ZC2HC1A: variants seen among roughly 807,000 people sequenced by gnomAD.
ZC2HC1A encodes zinc finger C2HC domain-containing protein 1A.
In ZC2HC1A, 28 loss-of-function variants were observed where a neutral mutation model predicts 40.7. The ratio of observed to expected loss-of-function variants is 0.69; its 90% CI spans 0.51 to 0.94. The LOEUF is 0.94. Ranked by LOEUF, ZC2HC1A falls within the 40% of genes least tolerant of loss-of-function variation. ZC2HC1A has a pLI of 0.00. For missense variants in ZC2HC1A, 389 were observed against 386.3 expected (o/e 1.01, Z -0.06); for synonymous variants, 129 against 129.2 (o/e 1.00, Z 0.01).
intron 7 of ZC2HC1A, among the ~76,000 whole-genome samples, chr8:78,708,570 A>AT (rs1317240162): frequency 1.3e-5 from 2 of 152,280 alleles, no homozygotes; most frequent in Admixed American, 6.5e-5. Flanking sequence ...TGTAAAAAAA[A>AT]GCAATCAAAT....
In ZC2HC1A at chr8:78,717,498, A is replaced by G. The variant is rs201476525; in HGVS notation, c.*5A>G. ...ATTCGAAGAATGATTCTATGAATAG[A>G]ATCTCAAAAAAAAAAAAAAGCCAAG... On this transcript the variant is annotated 3_prime_UTR_variant, in exon 9 of 9. Coordinates refer to ENST00000263849, the MANE Select transcript of ZC2HC1A (RefSeq NM_016010.3). The G allele has an allele frequency of 3.1e-4, 455 of 1,465,762 alleles. 1 individual carries two copies. The East Asian group carries it at 0.011, about 35-fold the overall frequency. 90.8% of individuals were successfully genotyped at this position (1,465,762 alleles called of 1,614,324 possible). A position where few individuals can be genotyped will look rare whatever the true frequency, so the allele number is the denominator to read the frequency against.
intron 3 of ZC2HC1A, among the ~76,000 whole-genome samples, chr8:78,682,410 A>G (rs908883790): frequency 6.6e-6 from 1 of 152,174 alleles, no homozygotes; most frequent in African/African-American, 2.4e-5. Context: ...GAGGCCTCAC[A>G]TCATGGTGGA....
intron 7 of ZC2HC1A, among the ~76,000 whole-genome samples, chr8:78,706,168 C>T (rs1222882596): frequency 1.3e-5 from 2 of 152,088 alleles, no homozygotes; most frequent in African/African-American, 2.4e-5. Flanking sequence ...GAGTTCCATC[C>T]CAGGTAGGCT....
At chr8:78,682,128 G>A (rs183031117) in intron 3 of ZC2HC1A, among the ~76,000 whole-genome samples, 1 of 151,982 alleles carries the variant, frequency 6.6e-6, no homozygotes, top group East Asian at 1.9e-4. Context: ...GAATAGTTGG[G>A]TATCTCAATA....
At chr8:78,670,391 C>T (rs923876700) in intron 1 of ZC2HC1A, among the ~76,000 whole-genome samples, 3 of 152,152 alleles carry the variant, frequency 2.0e-5, no homozygotes, top group Non-Finnish European at 4.4e-5. Context: ...AAAATGTGCT[C>T]ATCAGGACAT....
At chr8:78,697,682 C>CT (rs370060109) in intron 6 of ZC2HC1A, among the ~76,000 whole-genome samples, 176 bp downstream of exon 6, 4,746 of 139,658 alleles carry the variant, frequency 0.034, 99 homozygotes, top group African/African-American at 0.063. Flanking sequence ...TACTTTTAAC[C>CT]TTTTTTTTTT....
intron 5 of ZC2HC1A, among the ~76,000 whole-genome samples, chr8:78,696,627 A>G (rs1810424292): frequency 6.6e-6 from 1 of 152,214 alleles, no homozygotes; most frequent in Non-Finnish European, 1.5e-5. Context: ...GTAGAGAAAT[A>G]TAAAAATCCA....
intron 1 of ZC2HC1A, among the ~76,000 whole-genome samples, chr8:78,669,200 A>C (rs575321793): frequency 1.3e-5 from 2 of 152,294 alleles, no homozygotes; most frequent in South Asian, 4.1e-4. Flanking sequence ...CAGATATTTT[A>C]ATAGACAGTA....
intron 2 of ZC2HC1A, among the ~76,000 whole-genome samples, chr8:78,677,543 T>A (rs1199899139): frequency 2.0e-5 from 3 of 152,180 alleles, no homozygotes; most frequent in African/African-American, 7.2e-5. Flanking sequence ...ATGTTAACTT[T>A]AGTAATCCAA....
In ZC2HC1A at chr8:78,718,332, A is replaced by G. The variant is rs901571436; in HGVS notation, c.*839A>G. ...GTATTTGAAAATGTAATTATTTAAT[A>G]TAGAAGGCACAGAATTCCCTGCAAA... is the stretch of plus-strand genomic sequence containing the variant. On this transcript the variant is annotated 3_prime_UTR_variant, in exon 9 of 9. Transcript: ENST00000263849. The G allele has an allele frequency of 4.6e-5, 7 of 152,086 alleles. No individual in the cohort carries two copies. The East Asian group carries it at 1.4e-3, about 29-fold the overall frequency. The allele number at this position is 152,086 out of a possible 1,614,324, so 9.4% of individuals were successfully genotyped here.
intron 2 of ZC2HC1A, among the ~76,000 whole-genome samples, chr8:78,676,661 A>T (rs1809588515): frequency 6.6e-6 from 1 of 152,074 alleles, no homozygotes; most frequent in African/African-American, 2.4e-5. Context: ...AAGCAAAGTG[A>T]GGAATTAATG....
chr8:78,707,128 A>C (rs1470881927), intron 7 of ZC2HC1A, among the ~76,000 whole-genome samples: 1 of 152,232 alleles, frequency 6.6e-6, no homozygotes, highest in Non-Finnish European at 1.5e-5. Context: ...AATTTTACAA[A>C]GTCATTTTAC....
In ZC2HC1A at chr8:78,681,463, A is replaced by G. The variant is rs573709023; in HGVS notation, c.210+2784A>G. ...TGTTAAAGAGTCAGTAATCTCAAAC[A>G]TCTAAATTTGCTGACGTTTAAGATT... On this transcript the variant is annotated intron_variant, in intron 3 of 8. Transcript: ENST00000263849. Among the ~76,000 whole-genome samples the G allele has an allele frequency of 7.9e-5, 12 of 152,342 alleles. No homozygotes were observed. The South Asian group carries it at 2.3e-3, about 29-fold the overall frequency.
Position 78,717,683 on chromosome 8 carries a change from T to C in ZC2HC1A, c.*190T>C. On this transcript the variant is annotated 3_prime_UTR_variant, in exon 9 of 9. Coordinates refer to ENST00000263849, the MANE Select transcript of ZC2HC1A (RefSeq NM_016010.3). Reference sequence around the variant, plus strand: ...ATATGTGTACATATACTGTATATAATAAATATCTGATACCCCAGACTGTGT... The same window carrying C: ...ATATGTGTACATATACTGTATATAACAAATATCTGATACCCCAGACTGTGT... The C allele has an allele frequency of 1.5e-5, 6 of 399,100 alleles. No individual in the cohort carries two copies. Among genetic ancestry groups the C allele is most frequent in the South Asian group, 1.7e-4 (2 of 11,504 alleles). The allele number at this position is 399,100 out of a possible 1,614,324, so 24.7% of individuals were successfully genotyped here. A position where few individuals can be genotyped will look rare whatever the true frequency, so the allele number is the denominator to read the frequency against.
In ZC2HC1A at chr8:78,681,308, T is replaced by C. The variant is rs373008325; in HGVS notation, c.210+2629T>C. ...TAGAAGCGATGAATAATAGAAAATA[T>C]ATTAGCTCAGCATTGATAAAAGATA... On this transcript the variant is annotated intron_variant, in intron 3 of 8. Transcript: ENST00000263849. 1.5e-4 allele frequency among the ~76,000 whole-genome samples: 23 copies of C among 152,210 alleles called. 1 individual carries two copies. The highest frequency in any genetic ancestry group is 9.6e-4 in the East Asian group (5 of 5,186).
At position 78,689,258 on chromosome 8, in the gene ZC2HC1A, A is replaced by G. The variant is rs142420326; in HGVS notation, c.389A>G (p.Asn130Ser). ...IQCPYCQRRF[N>S]ENAADRHINF... ...TGTCCATATTGTCAGAGGAGATTCA[A>G]TGAAAATGCAGCTGATAGACATATA... Residue 130 changes from asparagine to serine, a missense_variant, in exon 5 of 9, where the codon AAT (asparagine) becomes AGT (serine). Coordinates refer to ENST00000263849, the MANE Select transcript of ZC2HC1A (RefSeq NM_016010.3). The G allele has an allele frequency of 3.6e-5, 58 of 1,592,086 alleles. No homozygotes were observed. Among genetic ancestry groups the G allele is most frequent in the African/African-American group, 8.1e-5 (6 of 73,754 alleles).
intron 1 of ZC2HC1A, among the ~76,000 whole-genome samples, chr8:78,674,247 A>G (rs1285416275): frequency 2.0e-5 from 3 of 152,188 alleles, no homozygotes; most frequent in Admixed American, 1.3e-4. Flanking sequence ...TAATTTTTAT[A>G]AGATTTTGCT....
At chr8:78,691,938 G>A (rs1810226706) in intron 5 of ZC2HC1A, among the ~76,000 whole-genome samples, 1 of 151,924 alleles carries the variant, frequency 6.6e-6, no homozygotes, top group African/African-American at 2.4e-5. Context: ...ATATATTTAT[G>A]GGGTACAAAG....
In ZC2HC1A at chr8:78,678,636, C is replaced by G. The variant is rs1205736267; in HGVS notation, c.167C>G (p.Ala56Gly). Residue 56 changes from alanine to glycine, a missense_variant, in exon 3 of 9, where the codon GCT becomes GGT. Coordinates refer to ENST00000263849, the MANE Select transcript of ZC2HC1A (RefSeq NM_016010.3). ...ACTTTTGATTCAAGCAGACAGAGAG[C>G]TGAAGGAACTGATATTCCAACAGTA... is the stretch of plus-strand genomic sequence containing the variant. ...RKTFDSSRQR[A>G]EGTDIPTVKP... The G allele has an allele frequency of 6.2e-7, 1 of 1,612,224 alleles. No individual in the cohort carries two copies. Among genetic ancestry groups the G allele is most frequent in the African/African-American group, 1.3e-5 (1 of 74,734 alleles).
Sources: allele counts gnomAD v4.1 joint callset (sites outside exome capture counted in the v4.1 genomes callset), GRCh38; gene constraint gnomAD v4.1.1; transcripts MANE v1.5; gene names NCBI Gene and HGNC (gene_info 2026-07-23, HGNC 2026-07-21).